Variants in MGMT observed in about 807,000 individuals in gnomAD.
MGMT encodes the protein O-6-methylguanine-DNA methyltransferase.
Under a neutral mutation model 15.9 loss-of-function variants are expected in MGMT, and 14 were observed. The ratio of observed to expected loss-of-function variants is 0.88; its 90% CI spans 0.58 to 1.37. The LOEUF (loss-of-function observed/expected upper bound fraction) is 1.37, where lower values mean the gene tolerates loss of function less well. Among genes scored for constraint, MGMT ranks in the 40% most tolerant of loss-of-function variants. MGMT has a pLI of 0.00. For synonymous variants in MGMT, 130 were observed against 118.2 expected (o/e 1.10, Z -0.65); for missense variants, 282 against 268.1 (o/e 1.05, Z -0.36).
At chr10:129,712,869 G>T (rs867506469) in intron 3 of MGMT, among the ~76,000 whole-genome samples, 3 of 152,288 alleles carry the variant, frequency 2.0e-5, no homozygotes, top group Middle Eastern at 3.4e-3. Context: ...GCCCACCCCT[G>T]ATGGGTGCCC....
chr10:129,473,856 C>T (rs542663991), intron 1 of MGMT, among the ~76,000 whole-genome samples: 1 of 152,156 alleles, frequency 6.6e-6, no homozygotes, highest in Non-Finnish European at 1.5e-5. Flanking sequence ...ACCCCGCACC[C>T]CACTAGAGAG....
chr10:129,571,198 G>A (rs1846413211), intron 2 of MGMT, among the ~76,000 whole-genome samples: 1 of 152,184 alleles, frequency 6.6e-6, no homozygotes, highest in South Asian at 2.1e-4. Flanking sequence ...GTTGGAGACT[G>A]AGAGTGAATG....
chr10:129,699,790 T>G (rs1043777268), intron 2 of MGMT, among the ~76,000 whole-genome samples: 3 of 152,168 alleles, frequency 2.0e-5, no homozygotes, highest in African/African-American at 7.2e-5. Flanking sequence ...CCTGTTTACT[T>G]CTGCGCTAGG....
intron 1 of MGMT, among the ~76,000 whole-genome samples, chr10:129,469,888 G>T (rs915055749): frequency 1.3e-5 from 2 of 151,930 alleles, no homozygotes; most frequent in Admixed American, 1.3e-4. Context: ...TGTTGTTGTT[G>T]TTTTTAGAGG....
chr10:129,537,897 T>A (rs1300509454), intron 2 of MGMT, among the ~76,000 whole-genome samples: 1 of 152,156 alleles, frequency 6.6e-6, no homozygotes, highest in Non-Finnish European at 1.5e-5. Context: ...GCTTGGGGTC[T>A]CCAGATGGTG....
intron 3 of MGMT, among the ~76,000 whole-genome samples, chr10:129,734,996 A>C (rs11016902): frequency 0.56 from 85,241 of 151,592 alleles, 24,150 homozygotes; most frequent in Middle Eastern, 0.72. Flanking sequence ...CATCAATGTT[A>C]ATTAAGGATA....
chr10:129,650,685 C>T (rs748266594), intron 2 of MGMT, among the ~76,000 whole-genome samples: 17 of 152,296 alleles, frequency 1.1e-4, no homozygotes, highest in South Asian at 2.1e-4. Context: ...TCGAGGAGCA[C>T]GTCTTTCCTT....
intron 2 of MGMT, among the ~76,000 whole-genome samples, chr10:129,669,066 C>A (rs753722729): frequency 6.6e-6 from 1 of 152,102 alleles, no homozygotes; most frequent in Non-Finnish European, 1.5e-5. Flanking sequence ...GCAGTGCTTC[C>A]TTAAGTGTTT....
chr10:129,538,190 T>C lies in MGMT; in HGVS notation c.125+1813T>C, dbSNP rs551952983. Among the ~76,000 whole-genome samples, 5 of 152,354 alleles carry C rather than the reference T, an allele frequency of 3.3e-5. 1 individual carries two copies. Among genetic ancestry groups the C allele is most frequent in the African/African-American group, 1.2e-4 (5 of 41,574 alleles). ...AATTACATAGAAGTCAGATTTCAAG[T>C]GTACAATTCATTTGACAAAAGTGTA... On this transcript the variant is annotated intron_variant, in intron 2 of 4. Transcript: ENST00000651593.
intron 2 of MGMT, among the ~76,000 whole-genome samples, chr10:129,686,608 C>T (rs1847907156): frequency 6.6e-6 from 1 of 152,150 alleles, no homozygotes; most frequent in Non-Finnish European, 1.5e-5. Context: ...AGTGATCCAC[C>T]CACCTGGGCC....
chr10:129,618,625 G>A (rs1246125820), intron 2 of MGMT, among the ~76,000 whole-genome samples: 4 of 151,892 alleles, frequency 2.6e-5, no homozygotes, highest in South Asian at 4.1e-4. Flanking sequence ...TGATTGTGGC[G>A]TATAGCTCCA....
chr10:129,765,494 GC>G (rs1159980371), intron 4 of MGMT, among the ~76,000 whole-genome samples: 1 of 152,204 alleles, frequency 6.6e-6, no homozygotes, highest in Non-Finnish European at 1.5e-5. Flanking sequence ...ACCTTTCTGA[GC>G]CAGCTGAGAA....
intron 1 of MGMT, among the ~76,000 whole-genome samples, chr10:129,491,847 G>A (rs1157384359): frequency 6.6e-6 from 1 of 151,890 alleles, no homozygotes; most frequent in Non-Finnish European, 1.5e-5. Flanking sequence ...TATGTTGTCT[G>A]TCTTTTCCTC....
intron 2 of MGMT, among the ~76,000 whole-genome samples, chr10:129,628,892 C>CCCTT (rs1345161130): frequency 6.6e-6 from 1 of 151,938 alleles, no homozygotes; most frequent in Non-Finnish European, 1.5e-5. Flanking sequence ...GGAGCTTATC[C>CCCTT]CCTTCCTTCC....
chr10:129,737,197 A>G (rs1848573600), intron 3 of MGMT, among the ~76,000 whole-genome samples: 1 of 152,310 alleles, frequency 6.6e-6, no homozygotes, highest in African/African-American at 2.4e-5. Flanking sequence ...CAGGTACACC[A>G]ATCAGACATA....
chr10:129,486,728 G>T (rs1845413213), intron 1 of MGMT, among the ~76,000 whole-genome samples: 1 of 152,180 alleles, frequency 6.6e-6, no homozygotes, highest in Non-Finnish European at 1.5e-5. Flanking sequence ...GGAAACAAAG[G>T]GCGTCTTTGA....
rs368824269 is a variant in MGMT at position 129,710,780 on chromosome 10, G to A, written c.274+2737G>A. Among the ~76,000 whole-genome samples the A allele has an allele frequency of 1.2e-3, 177 of 152,348 alleles. 1 individual carries two copies. The highest frequency in any genetic ancestry group is 4.1e-3 in the African/African-American group (169 of 41,584). On this transcript the variant is annotated intron_variant, in intron 3 of 4. Transcript: ENST00000651593. ...GACATCTCAGAGCCGCCTGGAAGCTGTGGAGTAACAGAAATCAACCTGCTT... is the reference window on the plus strand; with the variant it reads ...GACATCTCAGAGCCGCCTGGAAGCTATGGAGTAACAGAAATCAACCTGCTT...
chr10:129,479,604 G>A (rs912790633), intron 1 of MGMT, among the ~76,000 whole-genome samples: 5 of 152,108 alleles, frequency 3.3e-5, no homozygotes, highest in Non-Finnish European at 7.3e-5. Flanking sequence ...GAGTGATGAT[G>A]GTAGAGTGGA....
At chr10:129,587,909 T>C (rs1846635983) in intron 2 of MGMT, among the ~76,000 whole-genome samples, 1 of 152,216 alleles carries the variant, frequency 6.6e-6, no homozygotes, top group Non-Finnish European at 1.5e-5. Flanking sequence ...TTTGAATGGA[T>C]GCTTTATATG....
Sources: gnomAD v4.1 joint callset for allele counts (sites outside exome capture counted in the v4.1 genomes callset) on GRCh38, gnomAD v4.1.1 for gene constraint, MANE v1.5 for transcripts, NCBI Gene and HGNC (gene_info 2026-07-23, HGNC 2026-07-21) for gene names.